ZBTB20: variants seen among roughly 807,000 people sequenced by gnomAD.
ZBTB20 encodes zinc finger and BTB domain containing 20.
In ZBTB20, 9 loss-of-function variants were observed where a neutral mutation model predicts 56.9. That is an observed-to-expected ratio of 0.16 (90% CI 0.10 to 0.28). The LOEUF is 0.28. Ranked by LOEUF, ZBTB20 falls within the 10% of genes least tolerant of loss-of-function variation. The pLI, the probability that ZBTB20 is intolerant of heterozygous loss-of-function variation, is 1.00. For missense variants in ZBTB20, 655 were observed against 1,003.0 expected, an observed-to-expected ratio of 0.65 and a Z score of 4.69; for synonymous variants, 417 against 420.7, an observed-to-expected ratio of 0.99 and a Z score of 0.11.
At chr3:114,581,402 A>T (rs1345450626) in intron 6 of ZBTB20, among the ~76,000 whole-genome samples, 2 of 152,076 alleles carry the variant, frequency 1.3e-5, no homozygotes, top group Non-Finnish European at 2.9e-5. Context: ...ATGAAGGAAA[A>T]TATCAATAAG....
intron 7 of ZBTB20, among the ~76,000 whole-genome samples, chr3:114,400,440 A>G (rs2086719865): frequency 6.6e-6 from 1 of 152,142 alleles, no homozygotes; most frequent in Non-Finnish European, 1.5e-5. Flanking sequence ...AAGGGTCCCG[A>G]ATGTGTGTGG....
intron 5 of ZBTB20, among the ~76,000 whole-genome samples, chr3:114,711,194 AT>A (rs60034496): frequency 0.12 from 18,866 of 151,572 alleles, 1,469 homozygotes; most frequent in East Asian, 0.34. Flanking sequence ...ATTTAAAATG[AT>A]TTTTTTTTGT....
intron 7 of ZBTB20, among the ~76,000 whole-genome samples, chr3:114,434,558 TTGTG>T (rs71146320): frequency 6.9e-6 from 1 of 145,944 alleles, no homozygotes; most frequent in Non-Finnish European, 1.5e-5. Flanking sequence ...GTGTGTGTGT[TTGTG>T]TGTGTGTGTG....
intron 6 of ZBTB20, among the ~76,000 whole-genome samples, chr3:114,579,359 G>C (rs1244648870): frequency 6.6e-6 from 1 of 151,436 alleles, no homozygotes; most frequent in Non-Finnish European, 1.5e-5. Context: ...AAATAAAACA[G>C]ATATTATGAA....
At chr3:114,904,610 A>T (rs2075252888) in intron 3 of ZBTB20, among the ~76,000 whole-genome samples, 1 of 151,974 alleles carries the variant, frequency 6.6e-6, no homozygotes, top group Non-Finnish European at 1.5e-5. Context: ...TACTTTTGAA[A>T]ATTGAGGTAC....
intron 4 of ZBTB20, among the ~76,000 whole-genome samples, chr3:114,872,703 C>T (rs1479347993): frequency 6.6e-6 from 1 of 151,350 alleles, no homozygotes; most frequent in Admixed American, 6.6e-5. Flanking sequence ...GTTTGAAGTA[C>T]AAACTAAGAG....
intron 6 of ZBTB20, among the ~76,000 whole-genome samples, chr3:114,522,559 G>A (rs1217077132): frequency 2.0e-5 from 3 of 152,162 alleles, no homozygotes; most frequent in Non-Finnish European, 4.4e-5. Context: ...AGAATAGACT[G>A]TAAGTGGTAA....
intron 1 of ZBTB20, among the ~76,000 whole-genome samples, chr3:115,085,287 A>C (rs948059585): frequency 6.6e-6 from 1 of 151,932 alleles, no homozygotes; most frequent in Non-Finnish European, 1.5e-5. Flanking sequence ...ACAACACTGA[A>C]TCCTCTGCCT....
intron 2 of ZBTB20, among the ~76,000 whole-genome samples, chr3:115,006,061 C>A (rs2079455068): frequency 1.3e-5 from 2 of 150,252 alleles, no homozygotes; most frequent in African/African-American, 4.9e-5. Context: ...AAATGCTTTT[C>A]TTCTATGGAG....
chr3:114,624,206 C>T (rs1204020731), intron 6 of ZBTB20: 3 of 152,040 alleles, frequency 2.0e-5, no homozygotes, highest in Admixed American at 6.6e-5. Flanking sequence ...AAGCTCCCTG[C>T]TCTGATTAGT....
chr3:114,716,194 T>C (rs2064469437), intron 5 of ZBTB20, among the ~76,000 whole-genome samples: 1 of 152,142 alleles, frequency 6.6e-6, no homozygotes, highest in Non-Finnish European at 1.5e-5. Flanking sequence ...CTGAAGGTAA[T>C]AACATTTTGC....
In ZBTB20 at chr3:114,785,623, A is replaced by AT. The variant is rs1384095510; in HGVS notation, c.-343+15477dup. 7.9e-5 allele frequency among the ~76,000 whole-genome samples: 12 copies of AT among 152,088 alleles called. No homozygotes were observed. In the East Asian group the frequency reaches 1.3e-3, roughly 17 times the overall value. On this transcript the variant is annotated intron_variant, in intron 5 of 11. Transcript: ENST00000675478. Reference sequence around the variant, plus strand: ...TTTGTGTTTTGGAGTAGTTTTCAGTATTTTTTCCTGGTTTTATTGAGGTAA... The same window carrying AT: ...TTTGTGTTTTGGAGTAGTTTTCAGTATTTTTTTCCTGGTTTTATTGAGGTAA...
rs532000304 is a variant in ZBTB20, at chr3:115,139,698, AT to A, written c.-703+7520del. On this transcript the variant is annotated intron_variant, in intron 1 of 11. Coordinates refer to ENST00000675478, the MANE Select transcript of ZBTB20 (RefSeq NM_001348800.3). ...TTTGAATAAATGTATCTATCTATAG[AT>A]TTTATAGAAATAGAAAAATGTGAGT... Among the ~76,000 whole-genome samples the A allele has an allele frequency of 4.6e-5, 7 of 152,156 alleles. No individual in the cohort carries two copies. The East Asian group carries it at 1.4e-3, about 29-fold the overall frequency.
At chr3:115,100,652 T>C (rs1472561185) in intron 1 of ZBTB20, 1 of 152,242 alleles carries the variant, frequency 6.6e-6, no homozygotes, top group Non-Finnish European at 1.5e-5. Context: ...TGGCTCCACC[T>C]TCTTTATTTA....
intron 6 of ZBTB20, among the ~76,000 whole-genome samples, chr3:114,581,507 T>C (rs2054628690): frequency 6.6e-6 from 1 of 151,936 alleles, no homozygotes; most frequent in Non-Finnish European, 1.5e-5. Flanking sequence ...ATCTTTGTAA[T>C]CTCTATGGCC....
In ZBTB20 at chr3:114,362,734, A is replaced by G. The variant is rs560042374; in HGVS notation, c.200-10856T>C. Reference sequence around the variant, plus strand: ...GACAGCTCACTGGGTCCCCCTGTCAACAGAGGATTCAGTGGAACCCAAAGC... The same window carrying G: ...GACAGCTCACTGGGTCCCCCTGTCAGCAGAGGATTCAGTGGAACCCAAAGC... On this transcript the variant is annotated intron_variant, in intron 10 of 11. Coordinates refer to ENST00000675478, the MANE Select transcript of ZBTB20 (RefSeq NM_001348800.3). Among the ~76,000 whole-genome samples, 14 of 152,286 alleles carry G rather than the reference A, an allele frequency of 9.2e-5. No homozygotes were observed. The East Asian group carries it at 2.7e-3, about 29-fold the overall frequency.
At chr3:114,404,204 C>T (rs1243586132) in intron 7 of ZBTB20, among the ~76,000 whole-genome samples, 1 of 152,134 alleles carries the variant, frequency 6.6e-6, no homozygotes, top group Non-Finnish European at 1.5e-5. Flanking sequence ...AGTGTCTCTT[C>T]TCAAATCAGA....
chr3:114,732,637 T>G (rs550990275), intron 5 of ZBTB20, among the ~76,000 whole-genome samples: 1 of 152,280 alleles, frequency 6.6e-6, no homozygotes, highest in South Asian at 2.1e-4. Flanking sequence ...AGCTTTGTAT[T>G]TTTCAGTCTT....
At chr3:115,040,925 G>C (rs1476838464) in intron 2 of ZBTB20, among the ~76,000 whole-genome samples, 1 of 152,050 alleles carries the variant, frequency 6.6e-6, no homozygotes, top group Non-Finnish European at 1.5e-5. Context: ...TACTATTTCT[G>C]AGCCTGTATT....
Sources: gnomAD v4.1 joint callset for allele counts (sites outside exome capture counted in the v4.1 genomes callset) on GRCh38, gnomAD v4.1.1 for gene constraint, MANE v1.5 for transcripts, NCBI Gene and HGNC (gene_info 2026-07-23, HGNC 2026-07-21) for gene names.